Variants in SULT2B1 observed in about 807,000 individuals in gnomAD.
The protein encoded by SULT2B1 is sulfotransferase 2B1.
In SULT2B1, 16 loss-of-function variants were observed where a neutral mutation model predicts 33.2. That is an observed-to-expected ratio of 0.48 (90% confidence interval 0.33 to 0.73). The LOEUF (loss-of-function observed/expected upper bound fraction) is 0.73, where lower values mean the gene tolerates loss of function less well. SULT2B1 is among the 30% of genes least tolerant of loss of function. SULT2B1 has a pLI of 0.02. For synonymous variants in SULT2B1, 186 were observed against 200.5 expected (o/e 0.93, Z 0.61); for missense variants, 500 against 506.0 (o/e 0.99, Z 0.11).
At chr19:48,573,556 C>T (rs1973359783) in intron 1 of SULT2B1, among the ~76,000 whole-genome samples, 1 of 151,988 alleles carries the variant, frequency 6.6e-6, no homozygotes, top group African/African-American at 2.4e-5. Flanking sequence ...GCGCTCAGGC[C>T]CAGAGAGTGG....
At chr19:48,582,726 C>T (rs1382365087) in intron 2 of SULT2B1, among the ~76,000 whole-genome samples, 1 of 151,886 alleles carries the variant, frequency 6.6e-6, no homozygotes, top group Admixed American at 6.6e-5. Context: ...GCCTGTGGTC[C>T]CAACTACTCG....
intron 3 of SULT2B1, among the ~76,000 whole-genome samples, chr19:48,587,948 G>T (rs761168339): frequency 1.5e-5 from 2 of 132,724 alleles, no homozygotes; most frequent in African/African-American, 5.5e-5. Context: ...GGTGGCTCAC[G>T]CCTGTAATCC....
At chr19:48,555,544 G>A (rs371277280) in intron 1 of SULT2B1, among the ~76,000 whole-genome samples, 1,326 of 118,072 alleles carry the variant, frequency 0.011, 21 homozygotes, top group African/African-American at 0.046. Flanking sequence ...GGATCCCAGA[G>A]ACATCCTCTC....
intron 3 of SULT2B1, among the ~76,000 whole-genome samples, chr19:48,589,928 T>A (rs1973621119): frequency 6.6e-6 from 1 of 152,224 alleles, no homozygotes; most frequent in African/African-American, 2.4e-5. Flanking sequence ...CCACAGGCAC[T>A]CCAGCCTCAA....
chr19:48,588,932 G>A (rs1177577141), intron 3 of SULT2B1, among the ~76,000 whole-genome samples: 1 of 152,218 alleles, frequency 6.6e-6, no homozygotes, highest in Non-Finnish European at 1.5e-5. Context: ...GTCCGGGTGG[G>A]GAGGCAACAG....
At chr19:48,592,184 T>C (rs374767840) in intron 4 of SULT2B1, among the ~76,000 whole-genome samples, 3 of 152,062 alleles carry the variant, frequency 2.0e-5, no homozygotes, top group African/African-American at 7.2e-5. Context: ...CCCAGCTACT[T>C]GGGAGGCTGA....
In SULT2B1 at chr19:48,567,611, G is replaced by A. The variant is rs150375368; in HGVS notation, c.72-8330G>A. On this transcript the variant is annotated intron_variant, in intron 1 of 6. Coordinates refer to ENST00000201586, the MANE Select transcript of SULT2B1 (RefSeq NM_177973.2). ...CGGACATTGGCTTTGAAGGTAGGAA[G>A]GACATAGCACAGGGAAAAATTCTGC... Among the ~76,000 whole-genome samples the A allele has an allele frequency of 7.7e-3, 1,167 of 152,126 alleles. 13 individuals carry two copies. Among genetic ancestry groups the A allele is most frequent in the African/African-American group, 0.027 (1,105 of 41,526 alleles).
chr19:48,558,183 C>G (rs1400276180), intron 1 of SULT2B1, among the ~76,000 whole-genome samples: 1 of 152,178 alleles, frequency 6.6e-6, no homozygotes, highest in East Asian at 1.9e-4. Flanking sequence ...GGTTGAGTGA[C>G]TTGCCCAGGG....
chr19:48,560,438 G>C (rs1471297781), intron 1 of SULT2B1, among the ~76,000 whole-genome samples: 1 of 151,612 alleles, frequency 6.6e-6, no homozygotes, highest in Non-Finnish European at 1.5e-5. Flanking sequence ...CAGGGGCTTG[G>C]AACTGCAGTC....
intron 6 of SULT2B1, among the ~76,000 whole-genome samples, chr19:48,597,654 C>CTTTTTT (rs372246428): frequency 8.1e-6 from 1 of 124,208 alleles, no homozygotes. Flanking sequence ...TTTCTTTTTT[C>CTTTTTT]TTTTTTGAGA....
chr19:48,563,610 G>A (rs1973206403), intron 1 of SULT2B1, among the ~76,000 whole-genome samples: 2 of 152,170 alleles, frequency 1.3e-5, no homozygotes, highest in Admixed American at 1.3e-4. Context: ...GATGCAATCT[G>A]TACGGTGGGG....
Position 48,575,933 on chromosome 19 carries a change from T to G in SULT2B1, c.72-8T>G. On this transcript the variant is annotated splice_polypyrimidine_tract_variant and splice_region_variant and intron_variant, in intron 1 of 6. Coordinates refer to ENST00000201586, the MANE Select transcript of SULT2B1 (RefSeq NM_177973.2). ...CTCCCTCATGGCGTCTCCCCCACCT[T>G]TCCACAGCCAGAAGTTGCCAGGTGA... The G allele has an allele frequency of 6.2e-7, 1 of 1,609,814 alleles. No individual in the cohort carries two copies. Among genetic ancestry groups the G allele is most frequent in the Non-Finnish European group, 8.5e-7 (1 of 1,176,646 alleles).
Position 48,587,382 on chromosome 19 carries a change from G to A in SULT2B1, c.368G>A (p.Ser123Asn), listed in dbSNP as rs1230755720. The A allele has an allele frequency of 2.5e-6, 4 of 1,613,928 alleles. No homozygotes were observed. In the African/African-American group the frequency reaches 5.3e-5, roughly 22 times the overall value. ...GACCAGTACAGCCCCCGCCTCATGA[G>A]CTCCCATCTTCCCATCCAGATCTTC... is the stretch of plus-strand genomic sequence containing the variant. ...LPDQYSPRLM[S>N]SHLPIQIFTK... The change falls in exon 3 of 7, where the codon AGC becomes AAC. Residue 123 changes from serine (S) to asparagine (N), a missense_variant. Ser to Asn is a conservative substitution (Grantham distance 46). Coordinates refer to ENST00000201586, the MANE Select transcript of SULT2B1 (RefSeq NM_177973.2).
chr19:48,581,501 C>T (rs374458322), intron 2 of SULT2B1, among the ~76,000 whole-genome samples: 5 of 119,394 alleles, frequency 4.2e-5, no homozygotes, highest in East Asian at 5.7e-4. Context: ...GACAGAGTCT[C>T]GCTCTGTCAC....
Position 48,596,719 on chromosome 19 carries a change from C to T in SULT2B1, c.646-20C>T. 1 of 1,587,180 alleles carries T rather than the reference C, an allele frequency of 6.3e-7. No individual in the cohort carries two copies. Among genetic ancestry groups the T allele is most frequent in the Non-Finnish European group, 8.5e-7 (1 of 1,172,372 alleles). ...TGGCCGAGTGCCCTCCCTCCGCTGA[C>T]CCCTCTCCCCTGCCTGCAGGACTTA... On this transcript the variant is annotated intron_variant, in intron 5 of 6. Transcript: ENST00000201586.
intron 2 of SULT2B1, among the ~76,000 whole-genome samples, chr19:48,583,017 C>G (rs111789230): frequency 9.8e-6 from 1 of 102,084 alleles, no homozygotes; most frequent in African/African-American, 5.7e-5. Flanking sequence ...CAGGCGTGGT[C>G]GTGCATGCCT....
intron 6 of SULT2B1, among the ~76,000 whole-genome samples, chr19:48,598,701 A>G (rs1973756309): frequency 6.6e-6 from 1 of 152,084 alleles, no homozygotes; most frequent in African/African-American, 2.4e-5. Context: ...GGTCCCTTCC[A>G]TGTCCAAGCA....
intron 1 of SULT2B1, among the ~76,000 whole-genome samples, chr19:48,555,489 T>TCC (rs779043737): frequency 1.7e-4 from 24 of 144,980 alleles, no homozygotes; most frequent in Non-Finnish European, 3.0e-4. Flanking sequence ...AGAGACATCT[T>TCC]CTCTCTCTCT....
intron 2 of SULT2B1, 57 bp from the exon 3 acceptor site, chr19:48,587,172 A>C: frequency 5.6e-6 from 7 of 1,255,510 alleles, no homozygotes; most frequent in Non-Finnish European, 6.8e-6. Flanking sequence ...TATTCTGATG[A>C]TATCTCCCTC....
Sources: gnomAD v4.1 joint callset for allele counts (sites outside exome capture counted in the v4.1 genomes callset) on GRCh38, gnomAD v4.1.1 for gene constraint, MANE v1.5 for transcripts, NCBI Gene and HGNC (gene_info 2026-07-23, HGNC 2026-07-21) for gene names.